The following LRRC18 variants were observed in gnomAD, a reference collection of about 807,000 sequenced individuals.
LRRC18 encodes leucine-rich repeat-containing protein 18.
A neutral mutation model predicts 11.2 loss-of-function variants in LRRC18; 12 were observed. The observed-to-expected ratio is 1.07, with a 90% CI of 0.69 to 1.74. The LOEUF (loss-of-function observed/expected upper bound fraction) is 1.74, where lower values mean the gene tolerates loss of function less well. LRRC18 is among the 40% of genes most tolerant of loss of function. LRRC18 has a pLI of 0.00. For missense variants in LRRC18, 374 were observed against 330.5 expected, an observed-to-expected ratio of 1.13 and a Z score of -1.02; for synonymous variants, 155 against 130.6, an observed-to-expected ratio of 1.19 and a Z score of -1.27.
the LRRC18 span, among the ~76,000 whole-genome samples, chr10:48,933,443 G>T: frequency 1.3e-5 from 2 of 152,212 alleles, no homozygotes; most frequent in Non-Finnish European, 2.9e-5. Context: ...TACAAGCTTG[G>T]CTTTACAATG....
chr10:48,932,594 A>G, the LRRC18 span: 1 of 151,974 alleles, frequency 6.6e-6, no homozygotes, highest in South Asian at 2.1e-4. Context: ...GCAGTGAGCA[A>G]GGCTATACCT....
At chr10:48,914,236 C>T, upstream of LRRC18, 1 of 1,453,978 alleles carries the variant, frequency 6.9e-7, no homozygotes, top group African/African-American at 1.4e-5. Context: ...TGAAAAACTG[C>T]TGAAAGATAA....
chr10:48,914,445 G>T (rs1390171147), upstream of LRRC18, among the ~76,000 whole-genome samples: 1 of 152,180 alleles, frequency 6.6e-6, no homozygotes, highest in Non-Finnish European at 1.5e-5. Flanking sequence ...AATAGGAGGT[G>T]CAGGGTCAGC....
chr10:48,919,196 G>C (rs1229826742), upstream of LRRC18, among the ~76,000 whole-genome samples: 1 of 151,712 alleles, frequency 6.6e-6, no homozygotes, highest in African/African-American at 2.4e-5. Flanking sequence ...AGAAAGAGAA[G>C]CCAAATTACA....
chr10:48,928,576 G>C, the LRRC18 span, among the ~76,000 whole-genome samples: 1 of 152,136 alleles, frequency 6.6e-6, no homozygotes, highest in African/African-American at 2.4e-5. Context: ...TTTATCCTGG[G>C]GGCCAAGAGG....
chr10:48,923,506 A>ATATATATATATGTATG, the LRRC18 span, among the ~76,000 whole-genome samples: 76 of 115,048 alleles, frequency 6.6e-4, 4 homozygotes, highest in Middle Eastern at 4.5e-3. Flanking sequence ...GTATATATAT[A>ATATATATATATGTATG]TATATATGTC....
chr10:48,936,534 G>A, the LRRC18 span, among the ~76,000 whole-genome samples: 1 of 152,018 alleles, frequency 6.6e-6, no homozygotes, highest in Non-Finnish European at 1.5e-5. Context: ...ATGTAAAACC[G>A]TATGAAAATT....
upstream of LRRC18, among the ~76,000 whole-genome samples, chr10:48,919,171 C>T (rs1183991061): frequency 6.7e-6 from 1 of 149,390 alleles, no homozygotes; most frequent in Non-Finnish European, 1.5e-5. Flanking sequence ...GCCAGACTGA[C>T]AATTTAAAAA....
At chr10:48,910,409 A>T in intron 1 of LRRC18, 151 bp from the exon 4 acceptor site, 2 of 719,772 alleles carry the variant, frequency 2.8e-6, no homozygotes, top group East Asian at 2.5e-5. Flanking sequence ...GTATTTGAGG[A>T]AAGAGAACAC....
chr10:48,937,370 A>G, the LRRC18 span, among the ~76,000 whole-genome samples: 1 of 152,128 alleles, frequency 6.6e-6, no homozygotes, highest in Admixed American at 6.5e-5. Context: ...GTTTGTTTGC[A>G]TTTGTTTTCT....
exon 1 of LRRC18, chr10:48,913,944 T>C (rs746821586): frequency 1.6e-5 from 26 of 1,614,000 alleles, no homozygotes; most frequent in Non-Finnish European, 2.1e-5. Context: ...GTTCTGGAAC[T>C]TGGAGATGGA....
Position 48,913,391 on chromosome 10 carries a change from C to T in LRRC18, c.764+1G>A, listed in dbSNP as rs765222001. The T allele has an allele frequency of 3.1e-6, 5 of 1,609,430 alleles. No individual in the cohort carries two copies. The highest frequency in any genetic ancestry group is 4.2e-6 in the Non-Finnish European group (5 of 1,178,870). ...TGCCTCAGGGTCAGGTTCCAAGTCA[C>T]CTCCAGTCTTCCCAGGAGTCCTTGG... is the stretch of plus-strand genomic sequence containing the variant. On this transcript the variant is annotated splice_donor_variant, in intron 1 of 1. Transcript: ENST00000374160. LOFTEE classifies it high-confidence loss of function.
the LRRC18 span, among the ~76,000 whole-genome samples, chr10:48,938,957 C>T: frequency 4.6e-5 from 7 of 152,304 alleles, no homozygotes; most frequent in East Asian, 3.9e-4. Context: ...GGGTAACCGC[C>T]ACAATCCTCA....
the LRRC18 span, among the ~76,000 whole-genome samples, chr10:48,939,745 C>G: frequency 8.5e-5 from 13 of 152,274 alleles, no homozygotes; most frequent in African/African-American, 3.1e-4. Context: ...ATAGATCTCA[C>G]CTTTGGTTAG....
upstream of LRRC18, among the ~76,000 whole-genome samples, chr10:48,917,024 A>G (rs968266762): frequency 4.6e-5 from 7 of 152,140 alleles, no homozygotes; most frequent in Non-Finnish European, 1.0e-4. Flanking sequence ...GTTTAGATAC[A>G]CAAATACTTA....
At chr10:48,939,827 A>G in the LRRC18 span, among the ~76,000 whole-genome samples, 16 of 152,218 alleles carry the variant, frequency 1.1e-4, no homozygotes, top group Non-Finnish European at 2.4e-4. Flanking sequence ...CTTGAAGCTG[A>G]TAGCCAATGA....
chr10:48,937,036 G>A, the LRRC18 span, among the ~76,000 whole-genome samples: 1 of 151,560 alleles, frequency 6.6e-6, no homozygotes, highest in African/African-American at 2.4e-5. Context: ...TGGGATTACA[G>A]GCACCCACCA....
chr10:48,925,449 C>A, the LRRC18 span, among the ~76,000 whole-genome samples: 2 of 152,192 alleles, frequency 1.3e-5, no homozygotes, highest in African/African-American at 4.8e-5. Flanking sequence ...GGAGAATTAC[C>A]CCTTGTCCAA....
chr10:48,912,494 C>T (rs1838095576), intron 1 of LRRC18, among the ~76,000 whole-genome samples: 1 of 152,218 alleles, frequency 6.6e-6, no homozygotes, highest in Non-Finnish European at 1.5e-5. Context: ...CCCTGCACAT[C>T]CACGACTGGG....
Sources: allele counts gnomAD v4.1 joint callset (sites outside exome capture counted in the v4.1 genomes callset), GRCh38; gene constraint gnomAD v4.1.1; transcripts MANE v1.5; gene names NCBI Gene and HGNC (gene_info 2026-07-23, HGNC 2026-07-21).